Variants in PCDHGB4 observed in about 807,000 individuals in gnomAD.
The protein encoded by PCDHGB4 is protocadherin gamma-B4.
In PCDHGB4, 38 loss-of-function variants were observed where a neutral mutation model predicts 60.5. The ratio of observed to expected loss-of-function variants is 0.63; its 90% confidence interval spans 0.48 to 0.82. PCDHGB4 has a LOEUF of 0.82. PCDHGB4 is among the 40% of genes least tolerant of loss of function. The probability of loss-of-function intolerance (pLI) is 0.00; values close to 1 mark genes in which losing one functional copy is unlikely to be tolerated. For missense variants in PCDHGB4, 1,109 were observed against 1,209.6 expected (o/e 0.92, Z 1.23); for synonymous variants, 456 against 509.7 (o/e 0.89, Z 1.42).
chr5:141,493,204 C>T lies in PCDHGB4; in HGVS notation c.2398-1603C>T, dbSNP rs2099746929. Among the ~76,000 whole-genome samples, 1 of 152,216 alleles carries T rather than the reference C, an allele frequency of 6.6e-6. No individual in the cohort carries two copies. Among genetic ancestry groups the T allele is most frequent in the Non-Finnish European group, 1.5e-5 (1 of 68,042 alleles). Reference sequence around the variant, plus strand: ...TATATAACTCCTTTGAGAACCTCATCTCATTTGCTCTTCCCACCATTGCTG... The same window carrying T: ...TATATAACTCCTTTGAGAACCTCATTTCATTTGCTCTTCCCACCATTGCTG... On this transcript the variant is annotated intron_variant, in intron 1 of 3. Transcript: ENST00000519479. This position sits in a 1 kb window ranked among gnomAD's most constrained non-coding sequence, Gnocchi z 4.3.
chr5:141,390,114 G>A lies in PCDHGB4; in HGVS notation c.2230G>A (p.Gly744Arg). 6.2e-7 allele frequency: 1 copy of A among 1,614,048 alleles called. No homozygotes were observed. The highest frequency in any genetic ancestry group is 1.3e-5 in the African/African-American group (1 of 75,050). The stretch of plus-strand genomic sequence containing the variant: ...CGTGGTTCCCCCCAACTACAGCGAG[G>A]GGACTTTGCCTTATTCCTACAATCT... Reference protein sequence around the residue: ...ESVVPPNYSEGTLPYSYNLCV... With the variant: ...ESVVPPNYSERTLPYSYNLCV... Residue 744 changes from glycine (G) to arginine (R), a missense_variant, in exon 1 of 4, where the codon GGG becomes AGG. By Grantham distance (125) the Gly-to-Arg change is moderately radical. Coordinates refer to ENST00000519479, the MANE Select transcript of PCDHGB4 (RefSeq NM_003736.4).
At position 141,403,235 on chromosome 5, in the gene PCDHGB4, C is replaced by T. The variant is rs757212212; in HGVS notation, c.2397+12954C>T. The T allele has an allele frequency of 2.9e-5, 47 of 1,613,842 alleles. No individual in the cohort carries two copies. In the Admixed American group the frequency reaches 7.7e-4, roughly 26 times the overall value. ...CGCGGGTAGGATAGACCGGGAGGAGCTCTGTGCTCAGAGCCCGCGGTGTCT... is the reference window on the plus strand; with the variant it reads ...CGCGGGTAGGATAGACCGGGAGGAGTTCTGTGCTCAGAGCCCGCGGTGTCT... On this transcript the variant is annotated intron_variant, in intron 1 of 3. Transcript: ENST00000519479.
intron 1 of PCDHGB4, among the ~76,000 whole-genome samples, chr5:141,483,709 G>A (rs1486825412): frequency 1.3e-5 from 2 of 152,036 alleles, no homozygotes; most frequent in Non-Finnish European, 2.9e-5. Flanking sequence ...TTTGACACCA[G>A]AATATTGGTT....
chr5:141,478,385 T>C (rs919846683), intron 1 of PCDHGB4: 1 of 1,613,628 alleles, frequency 6.2e-7, no homozygotes, highest in Non-Finnish European at 8.5e-7. Context: ...GCCGCACCTT[T>C]ACCATCAGGT....
chr5:141,408,055 C>T lies in PCDHGB4; in HGVS notation c.2397+17774C>T, dbSNP rs1012762205. 35 of 1,299,012 alleles carry T rather than the reference C, an allele frequency of 2.7e-5. No homozygotes were observed. In the South Asian group the frequency reaches 3.8e-4, roughly 14 times the overall value. 80.5% of individuals were successfully genotyped at this position (1,299,012 alleles called of 1,614,324 possible). On this transcript the variant is annotated intron_variant, in intron 1 of 3. Coordinates refer to ENST00000519479, the MANE Select transcript of PCDHGB4 (RefSeq NM_003736.4). ...AAAACCAGCTCCCACACAGAGCCTCCCGGCTGCGCAGACCTTTCCCAGCAC... is the reference window on the plus strand; with the variant it reads ...AAAACCAGCTCCCACACAGAGCCTCTCGGCTGCGCAGACCTTTCCCAGCAC...
intron 3 of PCDHGB4, chr5:141,508,275 T>G (rs1030431371): frequency 6.6e-6 from 1 of 152,138 alleles, no homozygotes. Context: ...ATCCCGGTCC[T>G]TGACCAAGGT....
chr5:141,468,055 T>G (rs2099156893), intron 1 of PCDHGB4, among the ~76,000 whole-genome samples: 1 of 152,096 alleles, frequency 6.6e-6, no homozygotes, highest in Admixed American at 6.5e-5. Flanking sequence ...CCGGGCACAG[T>G]GGCTCACACC....
intron 1 of PCDHGB4, chr5:141,393,313 T>G: frequency 1.2e-6 from 2 of 1,613,324 alleles, no homozygotes; most frequent in Non-Finnish European, 1.7e-6. Flanking sequence ...GTGAACTCCC[T>G]CCAGAGCTAC....
chr5:141,392,841 C>A (rs1464167244), intron 1 of PCDHGB4: 2 of 1,608,680 alleles, frequency 1.2e-6, no homozygotes, highest in Non-Finnish European at 1.7e-6. Flanking sequence ...TCGCCCCAGA[C>A]GCGGCGAGCT....
At chr5:141,404,221 T>C (rs1028021504) in intron 1 of PCDHGB4, 2 of 1,613,766 alleles carry the variant, frequency 1.2e-6, no homozygotes, top group Non-Finnish European at 1.7e-6. Context: ...TCACGGTGAC[T>C]GCAACAGACA....
At chr5:141,408,917 C>T (rs549266523) in intron 1 of PCDHGB4, 2 of 1,613,248 alleles carry the variant, frequency 1.2e-6, no homozygotes, top group Non-Finnish European at 8.5e-7. Context: ...CAATGATAAC[C>T]CCCCGGTTTT....
chr5:141,468,300 G>C (rs2099162063), intron 1 of PCDHGB4, among the ~76,000 whole-genome samples: 1 of 146,430 alleles, frequency 6.8e-6, no homozygotes, highest in Non-Finnish European at 1.5e-5. Flanking sequence ...ACCCCAGCCT[G>C]GGCAACAAGA....
rs201021035 is a variant in PCDHGB4 at position 141,398,584 on chromosome 5, A to G, written c.2397+8303A>G. 8.7e-5 allele frequency: 141 copies of G among 1,614,066 alleles called. 1 individual carries two copies. In the African/African-American group the frequency reaches 1.0e-3, roughly 12 times the overall value. ...GTCTGCACAGCCTGGCACAAGATTT[A>G]TACTAGAAGTAGCAGAAGATGCAGA... On this transcript the variant is annotated intron_variant, in intron 1 of 3. Transcript: ENST00000519479.
Position 141,387,780 on chromosome 5 carries a change from G to T in PCDHGB4, c.-105G>T. ...AAAAGAAGAATTTTTTCTTGAACTG[G>T]AACTGCAACTAAAGTCCGTTCGGAG... is the stretch of plus-strand genomic sequence containing the variant. On this transcript the variant is annotated 5_prime_UTR_variant, in exon 1 of 4. Transcript: ENST00000519479. 1.4e-6 allele frequency: 2 copies of T among 1,461,128 alleles called. No homozygotes were observed. The highest frequency in any genetic ancestry group is 2.6e-5 in the Admixed American group (1 of 39,172). 90.5% of individuals were successfully genotyped at this position (1,461,128 alleles called of 1,614,324 possible).
At chr5:141,408,353 G>A (rs1218585930) in intron 1 of PCDHGB4, 1 of 1,613,816 alleles carries the variant, frequency 6.2e-7, no homozygotes, top group Non-Finnish European at 8.5e-7. Flanking sequence ...GGGGAACCTC[G>A]CTAAGGATCT....
At chr5:141,438,635 T>TAC (rs56854727) in intron 1 of PCDHGB4, among the ~76,000 whole-genome samples, 5 of 33,422 alleles carry the variant, frequency 1.5e-4, no homozygotes, top group Admixed American at 8.3e-4. Flanking sequence ...TATATATATA[T>TAC]ACACACACAC....
chr5:141,449,389 T>C (rs577860793), intron 1 of PCDHGB4, among the ~76,000 whole-genome samples: 5 of 151,964 alleles, frequency 3.3e-5, no homozygotes, highest in African/African-American at 1.2e-4. Flanking sequence ...GGTGGATTAC[T>C]TGAGGCCAGG....
At chr5:141,414,279 A>C in intron 1 of PCDHGB4, 1 of 1,613,350 alleles carries the variant, frequency 6.2e-7, no homozygotes, top group Non-Finnish European at 8.5e-7. Flanking sequence ...CTCTGGGAAC[A>C]GTCGTAGCCC....
intron 1 of PCDHGB4, chr5:141,478,808 T>A: frequency 3.4e-6 from 5 of 1,459,124 alleles, no homozygotes; most frequent in Non-Finnish European, 4.5e-6. Context: ...TCTTTTGCTA[T>A]CACAACTAAC....
Sources: allele counts gnomAD v4.1 joint callset (sites outside exome capture counted in the v4.1 genomes callset), GRCh38; gene constraint gnomAD v4.1.1; non-coding constraint Gnocchi (gnomAD v3.1); transcripts MANE v1.5; gene names NCBI Gene and HGNC (gene_info 2026-07-23, HGNC 2026-07-21).